Variants in WWOX observed in about 807,000 individuals in gnomAD.
The protein encoded by WWOX is WW domain containing oxidoreductase.
WWOX carries 69 observed loss-of-function variants against 46.2 expected under a neutral mutation model. The observed-to-expected ratio is 1.49, with a 90% confidence interval of 1.23 to 1.82. The LOEUF (loss-of-function observed/expected upper bound fraction) is 1.82. Ranked by LOEUF, WWOX falls within the 40% of genes most tolerant of loss-of-function variation. The probability of loss-of-function intolerance (pLI) is 0.00; values close to 1 mark genes in which losing one functional copy is unlikely to be tolerated. For synonymous variants in WWOX, 359 were observed against 202.6 expected, an observed-to-expected ratio of 1.77 and a Z score of -6.56; for missense variants, 919 against 542.6, an observed-to-expected ratio of 1.69 and a Z score of -6.89.
intron 8 of WWOX, among the ~76,000 whole-genome samples, chr16:78,916,695 G>C (rs1307050269): frequency 6.6e-6 from 1 of 152,118 alleles, no homozygotes; most frequent in Non-Finnish European, 1.5e-5. Flanking sequence ...TCTCAGACTT[G>C]AAACAAAATA....
intron 8 of WWOX, among the ~76,000 whole-genome samples, chr16:79,169,915 C>G (rs2050667708): frequency 6.6e-6 from 1 of 152,276 alleles, no homozygotes; most frequent in East Asian, 1.9e-4. Context: ...AAAAACAACC[C>G]TCTATGTTGA....
intron 8 of WWOX, among the ~76,000 whole-genome samples, chr16:79,211,341 G>A (rs1170227745): frequency 6.6e-6 from 1 of 152,150 alleles, no homozygotes; most frequent in African/African-American, 2.4e-5. Flanking sequence ...ATTGATATGT[G>A]TATTTATTTT....
At chr16:78,928,906 C>T (rs1034196411) in intron 8 of WWOX, among the ~76,000 whole-genome samples, 1 of 152,140 alleles carries the variant, frequency 6.6e-6, no homozygotes, top group Non-Finnish European at 1.5e-5. Flanking sequence ...AGTATTTTCC[C>T]CTAACAATAA....
chr16:78,680,268 G>T (rs890488761), intron 8 of WWOX, among the ~76,000 whole-genome samples: 1 of 152,128 alleles, frequency 6.6e-6, no homozygotes, highest in Non-Finnish European at 1.5e-5. Context: ...AATTAGCCAG[G>T]TGTGGTGGCA....
At chr16:78,965,441 G>A (rs1047649339) in intron 8 of WWOX, among the ~76,000 whole-genome samples, 1 of 151,960 alleles carries the variant, frequency 6.6e-6, no homozygotes, top group Non-Finnish European at 1.5e-5. Flanking sequence ...ATGGTGGCAG[G>A]CACTTGTAAT....
At chr16:78,730,949 ACATT>A (rs1399737147) in intron 8 of WWOX, among the ~76,000 whole-genome samples, 2 of 152,150 alleles carry the variant, frequency 1.3e-5, no homozygotes, top group African/African-American at 4.8e-5. Context: ...CTAGAATAAT[ACATT>A]ATTATCATTA....
intron 8 of WWOX, among the ~76,000 whole-genome samples, chr16:78,435,547 G>T (rs1237335835): frequency 6.6e-6 from 1 of 152,208 alleles, no homozygotes; most frequent in Non-Finnish European, 1.5e-5. Flanking sequence ...GAGAGGGTTT[G>T]GAGAAAAGTG....
chr16:78,103,362 C>T lies in WWOX; in HGVS notation c.107+3477C>T, dbSNP rs555558072. ...CATGGTGACTTGCTGCACTTGTCAA[C>T]CCATCACCTAGTTGTTCAGCCCCCC... On this transcript the variant is annotated intron_variant, in intron 1 of 8. Transcript: ENST00000566780. Among the ~76,000 whole-genome samples the T allele has an allele frequency of 8.6e-5, 13 of 151,804 alleles. 1 individual carries two copies. Among genetic ancestry groups the T allele is most frequent in the Non-Finnish European group, 1.9e-4 (13 of 67,992 alleles).
At chr16:78,778,826 G>A (rs1416149305) in intron 8 of WWOX, among the ~76,000 whole-genome samples, 2 of 152,162 alleles carry the variant, frequency 1.3e-5, no homozygotes, top group East Asian at 3.9e-4. Flanking sequence ...GTGTTCGCCA[G>A]CTCGTAAAGC....
chr16:78,718,221 A>C (rs948154716), intron 8 of WWOX, among the ~76,000 whole-genome samples: 64 of 151,872 alleles, frequency 4.2e-4, no homozygotes, highest in African/African-American at 1.5e-3. Context: ...CACATTTGTA[A>C]ACAATTATGT....
At chr16:78,203,820 T>A (rs2036308493) in intron 5 of WWOX, among the ~76,000 whole-genome samples, 1 of 152,144 alleles carries the variant, frequency 6.6e-6, no homozygotes, top group African/African-American at 2.4e-5. Flanking sequence ...TGAATCACAT[T>A]TTACTCTCCT....
chr16:78,498,867 GT>G (rs35821059), intron 8 of WWOX, among the ~76,000 whole-genome samples: 92,380 of 151,788 alleles, frequency 0.61, 32,780 homozygotes, highest in East Asian at 0.83. Flanking sequence ...TTACTGGTCT[GT>G]TTTTTTTCCT....
At chr16:78,371,010 T>C (rs1238894547) in intron 5 of WWOX, among the ~76,000 whole-genome samples, 1 of 150,342 alleles carries the variant, frequency 6.7e-6, no homozygotes, top group East Asian at 1.9e-4. Flanking sequence ...TGTTTGTCCT[T>C]TCTTTTATTA....
At position 78,106,411 on chromosome 16, in the gene WWOX, G is replaced by GTTTT. The variant is rs998219778; in HGVS notation, c.108-2006_108-2003dup. Among the ~76,000 whole-genome samples, 395 of 123,608 alleles carry GTTTT rather than the reference G, an allele frequency of 3.2e-3. 15 individuals carry two copies. The highest frequency in any genetic ancestry group is 4.7e-3 in the Non-Finnish European group (278 of 58,956). The allele number at this position is 123,608 out of a possible 152,430, so 81.1% of individuals were successfully genotyped here. On this transcript the variant is annotated intron_variant, in intron 1 of 8. Transcript: ENST00000566780. ...ACTAGAGAGCCAGAGAGTCAGAACGGTTTTTTTTTGTTTTTTTTTTTTTTT... is the reference window on the plus strand; with the variant it reads ...ACTAGAGAGCCAGAGAGTCAGAACGGTTTTTTTTTTTTTGTTTTTTTTTTTTTTT...
At chr16:78,802,902 C>A in intron 8 of WWOX, among the ~76,000 whole-genome samples, 1 of 90,150 alleles carries the variant, frequency 1.1e-5, no homozygotes, top group African/African-American at 4.3e-5. Flanking sequence ...GGTCACAGAG[C>A]AAGACTTCAT....
At chr16:78,696,131 G>A (rs1205466067) in intron 8 of WWOX, among the ~76,000 whole-genome samples, 2 of 152,142 alleles carry the variant, frequency 1.3e-5, no homozygotes, top group Admixed American at 6.5e-5. Context: ...AGCCACTAGG[G>A]GTGGGAATCA....
At chr16:78,404,815 C>A (rs560702799) in intron 6 of WWOX, among the ~76,000 whole-genome samples, 2 of 152,204 alleles carry the variant, frequency 1.3e-5, no homozygotes, top group East Asian at 3.9e-4. Context: ...TATTAAATGT[C>A]CCCAGGAAGC....
chr16:78,919,589 C>G (rs1452000666), intron 8 of WWOX, among the ~76,000 whole-genome samples: 3 of 148,546 alleles, frequency 2.0e-5, no homozygotes, highest in South Asian at 2.1e-4. Context: ...GCGATCTCAG[C>G]TCACTACAAC....
intron 8 of WWOX, among the ~76,000 whole-genome samples, chr16:79,104,832 T>C (rs552708439): frequency 6.6e-6 from 1 of 152,238 alleles, no homozygotes; most frequent in African/African-American, 2.4e-5. Context: ...ATACTGTGCG[T>C]ACTTGCAATC....
Sources: allele counts gnomAD v4.1 joint callset (sites outside exome capture counted in the v4.1 genomes callset), GRCh38; gene constraint gnomAD v4.1.1; transcripts MANE v1.5; gene names NCBI Gene and HGNC (gene_info 2026-07-23, HGNC 2026-07-21).